The following CTNNA2 variants were observed in gnomAD, a reference collection of about 807,000 sequenced individuals.
CTNNA2 encodes the protein catenin alpha-2.
CTNNA2 carries 42 observed loss-of-function variants against 101.0 expected under a neutral mutation model. The observed-to-expected ratio is 0.42, with a 90% CI of 0.32 to 0.54. The LOEUF (loss-of-function observed/expected upper bound fraction) is 0.54, where lower values mean the gene tolerates loss of function less well. CTNNA2 is among the 20% of genes least tolerant of loss of function. The probability of loss-of-function intolerance (pLI) is 0.14; values close to 1 mark genes in which losing one functional copy is unlikely to be tolerated. For missense variants in CTNNA2, 871 were observed against 1,223.1 expected, an observed-to-expected ratio of 0.71 and a Z score of 4.29; for synonymous variants, 450 against 456.4, an observed-to-expected ratio of 0.99 and a Z score of 0.18.
intron 9 of CTNNA2, among the ~76,000 whole-genome samples, chr2:80,483,206 A>G (rs902406982): frequency 2.6e-5 from 4 of 152,022 alleles, no homozygotes; most frequent in African/African-American, 9.7e-5. Context: ...CTAAAATGAT[A>G]TATCAGTTTT....
intron 9 of CTNNA2, among the ~76,000 whole-genome samples, chr2:80,458,241 A>G (rs1684147696): frequency 6.6e-6 from 1 of 152,158 alleles, no homozygotes; most frequent in Admixed American, 6.5e-5. Context: ...GAACTGAGGG[A>G]CTATATAAAA....
chr2:80,190,662 C>T (rs569442813), intron 7 of CTNNA2, among the ~76,000 whole-genome samples: 128 of 152,242 alleles, frequency 8.4e-4, no homozygotes, highest in African/African-American at 2.9e-3. Context: ...TGCATTTACC[C>T]TTCTATGTGG....
At chr2:80,514,498 A>G (rs1399854500) in intron 9 of CTNNA2, among the ~76,000 whole-genome samples, 5 of 152,130 alleles carry the variant, frequency 3.3e-5, no homozygotes, top group Admixed American at 3.3e-4. Context: ...CACACTCGGT[A>G]AGTCCCAAGC....
intron 3 of CTNNA2, 88 bp from the exon 4 acceptor site, chr2:79,857,925 A>G: frequency 7.3e-7 from 1 of 1,371,976 alleles, no homozygotes; most frequent in Non-Finnish European, 1.0e-6. Flanking sequence ...TTGCAATAAA[A>G]ACAGTAATTG....
chr2:79,352,591 C>G (rs1044174852), intron 3 of CTNNA2, among the ~76,000 whole-genome samples: 2 of 152,092 alleles, frequency 1.3e-5, no homozygotes, highest in Non-Finnish European at 2.9e-5. Context: ...TCTTTCAGTA[C>G]TCCTCTGATG....
intron 7 of CTNNA2, among the ~76,000 whole-genome samples, chr2:79,968,716 T>A (rs1375045508): frequency 1.3e-5 from 2 of 151,974 alleles, no homozygotes; most frequent in Admixed American, 1.3e-4. Context: ...AAGGAAAAAA[T>A]ACCTGTTTGA....
intron 7 of CTNNA2, among the ~76,000 whole-genome samples, chr2:80,139,783 T>C (rs776238245): frequency 6.6e-6 from 1 of 152,178 alleles, no homozygotes; most frequent in Non-Finnish European, 1.5e-5. Context: ...TCTCTGGTCT[T>C]GTCATATCAC....
intron 9 of CTNNA2, among the ~76,000 whole-genome samples, chr2:80,523,388 C>T (rs183757665): frequency 1.5e-4 from 23 of 152,020 alleles, no homozygotes; most frequent in Middle Eastern, 6.8e-3. Flanking sequence ...GAAGAAACTC[C>T]GTATGAATGA....
At chr2:79,387,080 T>C (rs1678114099) in intron 4 of CTNNA2, among the ~76,000 whole-genome samples, 1 of 152,166 alleles carries the variant, frequency 6.6e-6, no homozygotes, top group Admixed American at 6.5e-5. Flanking sequence ...TTTGAAATGA[T>C]TTACTTTACT....
intron 3 of CTNNA2, among the ~76,000 whole-genome samples, chr2:79,746,920 A>G (rs541483314): frequency 3.3e-5 from 5 of 152,196 alleles, no homozygotes; most frequent in Non-Finnish European, 5.9e-5. Context: ...TTGATTTTCA[A>G]TGCTTAGTAC....
intron 4 of CTNNA2, among the ~76,000 whole-genome samples, chr2:79,866,312 TA>T (rs1374321028): frequency 6.6e-6 from 1 of 152,224 alleles, no homozygotes; most frequent in Admixed American, 6.5e-5. Context: ...GCACTGGTTA[TA>T]AATATTAAGG....
chr2:80,503,668 A>G (rs531556559), intron 9 of CTNNA2, among the ~76,000 whole-genome samples: 268 of 152,230 alleles, frequency 1.8e-3, no homozygotes, highest in African/African-American at 6.2e-3. Flanking sequence ...TATTGTTTAG[A>G]AAGTCCTGCA....
At chr2:80,574,573 C>G (rs1214871889) in intron 13 of CTNNA2, among the ~76,000 whole-genome samples, 1 of 152,144 alleles carries the variant, frequency 6.6e-6, no homozygotes, top group Non-Finnish European at 1.5e-5. Context: ...TTTCATACAA[C>G]CTTTAGGCAT....
intron 7 of CTNNA2, among the ~76,000 whole-genome samples, chr2:80,148,029 G>A (rs1391944097): frequency 2.0e-5 from 3 of 152,090 alleles, no homozygotes; most frequent in African/African-American, 7.2e-5. Context: ...ACTTTTTAAT[G>A]TCATTTTTTT....
chr2:79,866,811 A>T (rs1424142095), intron 4 of CTNNA2, among the ~76,000 whole-genome samples: 3 of 151,890 alleles, frequency 2.0e-5, no homozygotes, highest in Admixed American at 6.5e-5. Flanking sequence ...GTATGATTTG[A>T]TATTTTGCAT....
intron 7 of CTNNA2, among the ~76,000 whole-genome samples, chr2:80,194,308 A>G (rs1706700537): frequency 1.3e-5 from 2 of 152,232 alleles, no homozygotes; most frequent in Non-Finnish European, 2.9e-5. Flanking sequence ...TTAAGCCGTC[A>G]TGCCAAGAGA....
At chr2:79,971,888 G>A (rs1049423134) in intron 7 of CTNNA2, among the ~76,000 whole-genome samples, 1 of 152,152 alleles carries the variant, frequency 6.6e-6, no homozygotes, top group African/African-American at 2.4e-5. Context: ...CATCTAAGGG[G>A]GTCTTACAAG....
intron 7 of CTNNA2, among the ~76,000 whole-genome samples, chr2:79,995,396 A>G (rs1265215950): frequency 6.6e-6 from 1 of 152,118 alleles, no homozygotes; most frequent in Non-Finnish European, 1.5e-5. Flanking sequence ...GAAGCAGCCT[A>G]CCTTCTTTGC....
intron 7 of CTNNA2, among the ~76,000 whole-genome samples, chr2:79,921,799 T>C (rs1191927735): frequency 6.6e-6 from 1 of 152,202 alleles, no homozygotes; most frequent in Non-Finnish European, 1.5e-5. Flanking sequence ...TGAATTGAGC[T>C]TTCGTTCTAG....
Sources: allele counts gnomAD v4.1 joint callset (sites outside exome capture counted in the v4.1 genomes callset), GRCh38; gene constraint gnomAD v4.1.1; transcripts MANE v1.5; gene names NCBI Gene and HGNC (gene_info 2026-07-23, HGNC 2026-07-21).